Variants in CFAP44 observed in about 807,000 individuals in gnomAD.
The protein encoded by CFAP44 is cilia- and flagella-associated protein 44.
A neutral mutation model predicts 216.2 loss-of-function variants in CFAP44; 134 were observed. The ratio of observed to expected loss-of-function variants is 0.62; its 90% CI spans 0.54 to 0.72. The LOEUF is 0.72. Ranked by LOEUF, CFAP44 falls within the 30% of genes least tolerant of loss-of-function variation. CFAP44 has a pLI of 0.00. For synonymous variants in CFAP44, 700 were observed against 727.6 expected, an observed-to-expected ratio of 0.96 and a Z score of 0.61; for missense variants, 2,035 against 2,182.1, an observed-to-expected ratio of 0.93 and a Z score of 1.34.
rs779202601 is a variant in CFAP44 at position 113,366,223 on chromosome 3, C to T, written c.2531G>A (p.Ser844Asn). Reference protein sequence around the residue: ...VLNQNDPSLTSLVDYWHFNMH... With the variant: ...VLNQNDPSLTNLVDYWHFNMH... ...ATTGAAGTGCCAGTAGTCCACCAAACTGGTCAATGAAGGATCATTTTGATT... is the reference window on the plus strand; with the variant it reads ...ATTGAAGTGCCAGTAGTCCACCAAATTGGTCAATGAAGGATCATTTTGATT... Residue 844 changes from serine to asparagine, a missense_variant, in exon 19 of 35, where the codon AGT becomes AAT. Physicochemically the swap from Ser to Asn is conservative, Grantham distance 46. Around this residue, in one of 3 missense-constraint regions of CFAP44, gnomAD observed 1,883 missense variants for 2,023.7 expected, o/e 0.93. Coordinates refer to ENST00000393845, the MANE Select transcript of CFAP44 (RefSeq NM_001164496.2). 1.2e-6 allele frequency: 2 copies of T among 1,614,024 alleles called. No individual in the cohort carries two copies. Among genetic ancestry groups the T allele is most frequent in the Non-Finnish European group, 1.7e-6 (2 of 1,179,962 alleles).
intron 4 of CFAP44, 132 bp from the exon 5 acceptor site, chr3:113,420,311 G>A (rs1559944043): frequency 1.2e-5 from 11 of 908,120 alleles, no homozygotes; most frequent in African/African-American, 1.7e-5. Flanking sequence ...ATTTTACCCT[G>A]AAACTCATGA....
intron 17 of CFAP44, among the ~76,000 whole-genome samples, chr3:113,375,186 T>C (rs1933303229): frequency 6.6e-6 from 1 of 152,076 alleles, no homozygotes; most frequent in Non-Finnish European, 1.5e-5. Context: ...AAGGGAAGAA[T>C]CAGGAGTTAT....
chr3:113,300,044 T>C (rs1473205191), intron 32 of CFAP44, among the ~76,000 whole-genome samples: 1 of 151,974 alleles, frequency 6.6e-6, no homozygotes, highest in East Asian at 1.9e-4. Flanking sequence ...GAGAGAGAGG[T>C]CTTGTCATTT....
At chr3:113,380,502 C>T (rs1033503664) in intron 16 of CFAP44, among the ~76,000 whole-genome samples, 2 of 152,048 alleles carry the variant, frequency 1.3e-5, no homozygotes, top group African/African-American at 2.4e-5. Context: ...GCAATCACAG[C>T]TCACTGCAGC....
intron 23 of CFAP44, 88 bp from the exon 24 acceptor site, chr3:113,342,006 AAC>A: frequency 7.4e-7 from 1 of 1,355,968 alleles, no homozygotes; most frequent in Non-Finnish European, 9.8e-7. Flanking sequence ...CATTAGAAAA[AAC>A]ACAGAGAATA....
At chr3:113,345,177 G>C (rs1055185473) in intron 22 of CFAP44, among the ~76,000 whole-genome samples, 5 of 149,414 alleles carry the variant, frequency 3.3e-5, no homozygotes, top group African/African-American at 1.2e-4. Context: ...TATAGTTTGT[G>C]TATGTGTTTT....
At position 113,404,067 on chromosome 3, in the gene CFAP44, A is replaced by G. The variant is rs139650591; in HGVS notation, c.1006-51T>C. Reference sequence around the variant, plus strand: ...TGTGCATTAAAACAGGTAAGTGTACATATTTATGCCTCAAATAGTAGGTGA... The same window carrying G: ...TGTGCATTAAAACAGGTAAGTGTACGTATTTATGCCTCAAATAGTAGGTGA... On this transcript the variant is annotated intron_variant, in intron 8 of 34. Coordinates refer to ENST00000393845, the MANE Select transcript of CFAP44 (RefSeq NM_001164496.2). The G allele has an allele frequency of 2.7e-3, 4,058 of 1,479,142 alleles. 11 individuals are homozygous for G. Among genetic ancestry groups the G allele is most frequent in the Non-Finnish European group, 3.4e-3 (3,756 of 1,105,258 alleles). The allele number at this position is 1,479,142 out of a possible 1,614,324, so 91.6% of individuals were successfully genotyped here. A position where few individuals can be genotyped will look rare whatever the true frequency, so the allele number is the denominator to read the frequency against.
At chr3:113,427,484 G>A in intron 2 of CFAP44, 145 bp from the exon 3 acceptor site, 3 of 605,772 alleles carry the variant, frequency 5.0e-6, no homozygotes, top group Non-Finnish European at 8.3e-6. Flanking sequence ...CATTTTATTT[G>A]GTCAGTCTTG....
intron 28 of CFAP44, among the ~76,000 whole-genome samples, chr3:113,309,110 C>G (rs1369376351): frequency 6.6e-6 from 1 of 152,168 alleles, no homozygotes; most frequent in African/African-American, 2.4e-5. Context: ...AGTCCTTTTT[C>G]TGACTAGTTC....
At chr3:113,426,582 C>T (rs1448522689) in intron 3 of CFAP44, 1 of 266,924 alleles carries the variant, frequency 3.7e-6, no homozygotes, top group East Asian at 7.7e-5. Context: ...TGAGGCCTCC[C>T]CAGCCATGCA....
intron 15 of CFAP44, among the ~76,000 whole-genome samples, chr3:113,391,073 C>T (rs1933826019): frequency 6.6e-6 from 1 of 152,070 alleles, no homozygotes; most frequent in Non-Finnish European, 1.5e-5. Flanking sequence ...GGAGAAATCA[C>T]ATTAGCTGAC....
At chr3:113,359,176 A>G (rs1385489468) in intron 21 of CFAP44, among the ~76,000 whole-genome samples, 1 of 152,234 alleles carries the variant, frequency 6.6e-6, no homozygotes, top group Admixed American at 6.5e-5. Flanking sequence ...TATCTCAAAG[A>G]AACTACTATT....
At chr3:113,294,591 G>C in intron 34 of CFAP44, 96 bp downstream of exon 34, 2 of 1,414,412 alleles carry the variant, frequency 1.4e-6, no homozygotes, top group Non-Finnish European at 9.2e-7. Context: ...ATCAAGCAAG[G>C]TTTGTTTAAA....
chr3:113,326,256 T>C (rs1447595594), intron 28 of CFAP44, among the ~76,000 whole-genome samples, 189 bp downstream of exon 28: 2 of 152,200 alleles, frequency 1.3e-5, no homozygotes, highest in Non-Finnish European at 2.9e-5. Context: ...CAAACAAACA[T>C]GCACACAGAT....
chr3:113,429,598 G>C (rs1482722105), intron 2 of CFAP44, among the ~76,000 whole-genome samples: 1 of 151,946 alleles, frequency 6.6e-6, no homozygotes, highest in East Asian at 1.9e-4. Context: ...TTATATTAAT[G>C]TTCAGTTAAC....
chr3:113,311,130 C>G (rs184547807), intron 28 of CFAP44, among the ~76,000 whole-genome samples: 1 of 152,152 alleles, frequency 6.6e-6, no homozygotes, highest in African/African-American at 2.4e-5. Flanking sequence ...GTATTTAAAA[C>G]AGCCATGATA....
chr3:113,331,853 A>G (rs1576551998), intron 25 of CFAP44, among the ~76,000 whole-genome samples: 1 of 152,076 alleles, frequency 6.6e-6, no homozygotes, highest in East Asian at 1.9e-4. Context: ...CAATTTGACC[A>G]TGACAATAAA....
At chr3:113,399,017 T>C (rs1934066467) in intron 13 of CFAP44, among the ~76,000 whole-genome samples, 1 of 152,156 alleles carries the variant, frequency 6.6e-6, no homozygotes, top group Admixed American at 6.5e-5. Context: ...GAACACTAGA[T>C]CTTGGAGCCC....
intron 24 of CFAP44, among the ~76,000 whole-genome samples, chr3:113,338,188 C>T (rs1431011011): frequency 8.0e-5 from 10 of 125,430 alleles, no homozygotes; most frequent in Non-Finnish European, 1.1e-4. Context: ...ACCCAGGAGG[C>T]GGAGTTTGCA....
Sources: allele counts gnomAD v4.1 joint callset (sites outside exome capture counted in the v4.1 genomes callset), GRCh38; gene constraint gnomAD v4.1.1; regional missense constraint gnomAD v4.1.1; transcripts MANE v1.5; gene names NCBI Gene and HGNC (gene_info 2026-07-23, HGNC 2026-07-21).